The following PTPRM variants were observed in gnomAD, a reference collection of about 807,000 sequenced individuals.
PTPRM encodes receptor-type tyrosine-protein phosphatase mu.
Under a neutral mutation model 186.7 loss-of-function variants are expected in PTPRM, and 47 were observed. The ratio of observed to expected loss-of-function variants is 0.25; its 90% CI spans 0.20 to 0.32. The LOEUF (loss-of-function observed/expected upper bound fraction) is 0.32. Among genes scored for constraint, PTPRM ranks in the 10% least tolerant of loss-of-function variants. PTPRM has a pLI of 1.00. For synonymous variants in PTPRM, 668 were observed against 674.9 expected, an observed-to-expected ratio of 0.99 and a Z score of 0.16; for missense variants, 1,494 against 1,865.0, an observed-to-expected ratio of 0.80 and a Z score of 3.66.
chr18:8,017,252 T>C (rs1362259820), intron 7 of PTPRM, among the ~76,000 whole-genome samples: 2 of 151,998 alleles, frequency 1.3e-5, no homozygotes, highest in East Asian at 3.9e-4. Flanking sequence ...AGTATAAAAA[T>C]ATTAGGCCAG....
chr18:8,391,947 CA>C (rs2095815458), intron 31 of PTPRM, among the ~76,000 whole-genome samples: 1 of 152,076 alleles, frequency 6.6e-6, no homozygotes, highest in African/African-American at 2.4e-5. Context: ...ACAGGAAATA[CA>C]GAGTTAGAAA....
chr18:8,025,619 G>A (rs2085520663), intron 7 of PTPRM, among the ~76,000 whole-genome samples: 2 of 152,182 alleles, frequency 1.3e-5, no homozygotes, highest in South Asian at 4.1e-4. Context: ...AGTATTTACA[G>A]TAGCAGAAAC....
intron 2 of PTPRM, among the ~76,000 whole-genome samples, chr18:7,781,364 C>G (rs1177500465): frequency 1.3e-5 from 2 of 152,134 alleles, no homozygotes; most frequent in Non-Finnish European, 2.9e-5. Flanking sequence ...TATTTAGATG[C>G]AGCAGTGCCT....
At chr18:8,095,461 A>G (rs1283203202) in intron 11 of PTPRM, among the ~76,000 whole-genome samples, 1 of 151,750 alleles carries the variant, frequency 6.6e-6, no homozygotes, top group Non-Finnish European at 1.5e-5. Flanking sequence ...AATCAGAGAG[A>G]GGGGTGGGAT....
chr18:8,368,640 C>T (rs1463007795), intron 23 of PTPRM, among the ~76,000 whole-genome samples: 2 of 152,178 alleles, frequency 1.3e-5, no homozygotes, highest in African/African-American at 4.8e-5. Flanking sequence ...AAGGAGGCAG[C>T]TGAAATAACC....
chr18:7,753,379 G>T (rs919267429), intron 1 of PTPRM, among the ~76,000 whole-genome samples: 2 of 151,992 alleles, frequency 1.3e-5, no homozygotes, highest in African/African-American at 4.8e-5. Flanking sequence ...AGGAAGCAGC[G>T]TGTTTTAAGA....
At chr18:8,319,056 A>C in intron 21 of PTPRM, 122 bp from the exon 22 acceptor site, 1 of 681,652 alleles carries the variant, frequency 1.5e-6, no homozygotes, top group Non-Finnish European at 2.6e-6. Flanking sequence ...TGGCCATTTA[A>C]CTTTCAGGTG....
intron 1 of PTPRM, among the ~76,000 whole-genome samples, chr18:7,704,184 T>TA (rs1555654996): frequency 6.6e-6 from 1 of 152,126 alleles, no homozygotes; most frequent in Non-Finnish European, 1.5e-5. Flanking sequence ...ATGCTGGCCT[T>TA]AAAAAATGAG....
chr18:7,774,248 C>G lies in PTPRM; in HGVS notation c.173C>G (p.Thr58Ser). Residue 58 changes from threonine (T) to serine (S), a missense_variant, in exon 2 of 33, where the codon ACT (threonine) becomes AGT (serine). This residue lies in a region of PTPRM where 296 missense variants were observed against 345.5 expected (regional missense o/e 0.86). Transcript: ENST00000580170. ...WEQVNTLTKP[T>S]SDPWMPSGSF... ...CAAGTGAACACCTTGACTAAACCGA[C>G]TTCTGATCCATGGATGCCATCAGGT... The G allele has an allele frequency of 6.2e-7, 1 of 1,614,018 alleles. No individual in the cohort carries two copies. The highest frequency in any genetic ancestry group is 8.5e-7 in the Non-Finnish European group (1 of 1,179,950).
At chr18:7,932,419 A>G (rs1006535694) in intron 5 of PTPRM, among the ~76,000 whole-genome samples, 4 of 152,226 alleles carry the variant, frequency 2.6e-5, no homozygotes, top group South Asian at 4.1e-4. Flanking sequence ...CAGAAAATGT[A>G]GGAAACTTTA....
chr18:7,722,114 A>G (rs547707661), intron 1 of PTPRM, among the ~76,000 whole-genome samples: 1 of 152,326 alleles, frequency 6.6e-6, no homozygotes, highest in Non-Finnish European at 1.5e-5. Flanking sequence ...TACATAAAAC[A>G]AGTTTTACTG....
At position 7,894,600 on chromosome 18, in the gene PTPRM, T is replaced by C. The variant is rs1230372405; in HGVS notation, c.468+6223T>C. 5.3e-5 allele frequency among the ~76,000 whole-genome samples: 8 copies of C among 151,292 alleles called. No homozygotes were observed. In the South Asian group the frequency reaches 8.3e-4, roughly 16 times the overall value. The stretch of plus-strand genomic sequence containing the variant: ...GACTCCGTCTCAGGAAAAATATATA[T>C]ATATATATATTTTTTAATATTTTTT... On this transcript the variant is annotated intron_variant, in intron 3 of 32. Coordinates refer to ENST00000580170, the MANE Select transcript of PTPRM (RefSeq NM_001105244.2).
Position 7,857,746 on chromosome 18 carries a change from G to A in PTPRM, c.197-30360G>A, listed in dbSNP as rs1480072183. Among the ~76,000 whole-genome samples, 6 of 152,130 alleles carry A rather than the reference G, an allele frequency of 3.9e-5. No homozygotes were observed. The East Asian group carries it at 1.2e-3, about 29-fold the overall frequency. ...AAGTGTGTTATTTGGCTTGTTTGTG[G>A]CTGTTTGTACAGCCAACTTTTTCGA... On this transcript the variant is annotated intron_variant, in intron 2 of 32. Transcript: ENST00000580170.
intron 22 of PTPRM, among the ~76,000 whole-genome samples, chr18:8,321,610 A>G (rs1395146257): frequency 6.6e-6 from 1 of 152,208 alleles, no homozygotes; most frequent in Non-Finnish European, 1.5e-5. Context: ...GTAGACAATC[A>G]GTCTGCCCTT....
intron 20 of PTPRM, among the ~76,000 whole-genome samples, chr18:8,313,891 C>T (rs1229900168): frequency 2.0e-5 from 3 of 152,058 alleles, no homozygotes; most frequent in African/African-American, 7.2e-5. Flanking sequence ...GTGGCTGACA[C>T]CTATAATCCT....
chr18:8,059,012 GGGAT>G (rs1310663902), intron 7 of PTPRM, among the ~76,000 whole-genome samples: 2 of 119,228 alleles, frequency 1.7e-5, no homozygotes, highest in African/African-American at 3.4e-5. Context: ...TAGCTTGATG[GGGAT>G]GGCATTGAAT....
At chr18:8,063,331 G>T (rs1032482295) in intron 7 of PTPRM, among the ~76,000 whole-genome samples, 1 of 150,936 alleles carries the variant, frequency 6.6e-6, no homozygotes, top group Non-Finnish European at 1.5e-5. Context: ...CACACCCACT[G>T]GCCTGCGCCC....
chr18:7,830,833 G>A (rs2045724331), intron 2 of PTPRM, among the ~76,000 whole-genome samples: 1 of 152,088 alleles, frequency 6.6e-6, no homozygotes, highest in South Asian at 2.1e-4. Flanking sequence ...CTCTGCACTT[G>A]TTATTTACCT....
rs748287214 is a variant in PTPRM at position 7,955,272 on chromosome 18, G to T, written c.990G>T (p.Arg330=). ...YCTASGSWND[R]QPVDSTSYKI... Reference sequence around the variant, plus strand: ...CGGCCAGTGGGAGCTGGAATGACCGGCAGCCAGTCGATTCCACGAGCTATA... The same window carrying T: ...CGGCCAGTGGGAGCTGGAATGACCGTCAGCCAGTCGATTCCACGAGCTATA... Residue 330 remains arginine, a synonymous_variant, in exon 7 of 33, where the codon CGG becomes CGT. Coordinates refer to ENST00000580170, the MANE Select transcript of PTPRM (RefSeq NM_001105244.2). The T allele has an allele frequency of 1.2e-6, 2 of 1,614,002 alleles. No homozygotes were observed. The highest frequency in any genetic ancestry group is 3.3e-5 in the Admixed American group (2 of 60,020).
Sources: gnomAD v4.1 joint callset for allele counts (sites outside exome capture counted in the v4.1 genomes callset) on GRCh38, gnomAD v4.1.1 for gene constraint, gnomAD v4.1.1 regional missense constraint, MANE v1.5 for transcripts, NCBI Gene and HGNC (gene_info 2026-07-23, HGNC 2026-07-21) for gene names.